The following MBOAT2 variants were observed in gnomAD, a reference collection of about 807,000 sequenced individuals.
The protein encoded by MBOAT2 is membrane-bound glycerophospholipid O-acyltransferase 2.
MBOAT2 carries 28 observed loss-of-function variants against 63.4 expected under a neutral mutation model. The observed-to-expected ratio is 0.44, with a 90% CI of 0.33 to 0.61. The LOEUF (loss-of-function observed/expected upper bound fraction) is 0.61. Among genes scored for constraint, MBOAT2 ranks in the 20% least tolerant of loss-of-function variants. The pLI, the probability that MBOAT2 is intolerant of heterozygous loss-of-function variation, is 0.03. For missense variants in MBOAT2, 470 were observed against 605.8 expected (o/e 0.78, Z 2.35); for synonymous variants, 211 against 215.6 (o/e 0.98, Z 0.19).
At chr2:8,889,924 T>C (rs1663862947) in intron 4 of MBOAT2, among the ~76,000 whole-genome samples, 1 of 152,086 alleles carries the variant, frequency 6.6e-6, no homozygotes, top group Non-Finnish European at 1.5e-5. Flanking sequence ...CAGAAACTCT[T>C]ATGAAAGTAA....
At chr2:8,984,188 C>T (rs771523397) in intron 1 of MBOAT2, among the ~76,000 whole-genome samples, 1 of 152,080 alleles carries the variant, frequency 6.6e-6, no homozygotes, top group African/African-American at 2.4e-5. Flanking sequence ...TCCACTTACA[C>T]GAAGTATCTA....
rs1660904120 is a variant in MBOAT2, at chr2:8,853,662, T to C, written c.*5017A>G. 6.6e-6 allele frequency: 1 copy of C among 152,246 alleles called. No homozygotes were observed. Among genetic ancestry groups the C allele is most frequent in the Admixed American group, 6.5e-5 (1 of 15,284 alleles). 9.4% of individuals were successfully genotyped at this position (152,246 alleles called of 1,614,324 possible). ...TTTTAGTGTGTGATTTGATAAAACA[T>C]GGCTGGAGATGGCTATGAATCGCTG... On this transcript the variant is annotated 3_prime_UTR_variant, in exon 13 of 13. Transcript: ENST00000305997.
rs1456596767 is a variant in MBOAT2 at position 8,858,001 on chromosome 2, C to CT, written c.*677dup. ...TTAAGAGATTCCTTCTGGAAGCGCTCTTTGACTGCACAAGGTAATTAAACT... is the reference window on the plus strand; with the variant it reads ...TTAAGAGATTCCTTCTGGAAGCGCTCTTTTGACTGCACAAGGTAATTAAACT... On this transcript the variant is annotated 3_prime_UTR_variant, in exon 13 of 13. Transcript: ENST00000305997. The CT allele has an allele frequency of 1.3e-5, 2 of 152,672 alleles. No homozygotes were observed. The highest frequency in any genetic ancestry group is 2.4e-5 in the African/African-American group (1 of 41,460). 9.5% of individuals were successfully genotyped at this position (152,672 alleles called of 1,614,324 possible). A position where few individuals can be genotyped will look rare whatever the true frequency, so the allele number is the denominator to read the frequency against.
chr2:8,934,681 C>T (rs976729281), intron 3 of MBOAT2, among the ~76,000 whole-genome samples: 2 of 152,208 alleles, frequency 1.3e-5, no homozygotes, highest in African/African-American at 4.8e-5. Context: ...CCCTGAAAGG[C>T]TGGTAAATAT....
At chr2:8,899,326 C>T (rs1477561878) in intron 4 of MBOAT2, among the ~76,000 whole-genome samples, 4 of 152,198 alleles carry the variant, frequency 2.6e-5, no homozygotes, top group African/African-American at 9.7e-5. Context: ...CCAAGTCTCC[C>T]AATTACAACT....
In MBOAT2 at chr2:8,941,654, G is replaced by GA. The variant is rs562089473; in HGVS notation, c.299+1532dup. Among the ~76,000 whole-genome samples the GA allele has an allele frequency of 5.9e-3, 758 of 128,454 alleles. 6 individuals carry two copies. Among genetic ancestry groups the GA allele is most frequent in the African/African-American group, 0.017 (608 of 34,992 alleles). 84.3% of individuals were successfully genotyped at this position (128,454 alleles called of 152,430 possible). A position where few individuals can be genotyped will look rare whatever the true frequency, so the allele number is the denominator to read the frequency against. Reference sequence around the variant, plus strand: ...AACAGAGTGAGACTCCGTCTCAAAGGAAAAAAAAAAAAAAGAAATGTGGCT... The same window carrying GA: ...AACAGAGTGAGACTCCGTCTCAAAGGAAAAAAAAAAAAAAAGAAATGTGGCT... On this transcript the variant is annotated intron_variant, in intron 3 of 12. Transcript: ENST00000305997.
intron 1 of MBOAT2, among the ~76,000 whole-genome samples, chr2:8,963,713 G>C (rs891183197): frequency 6.6e-6 from 1 of 152,176 alleles, no homozygotes; most frequent in Non-Finnish European, 1.5e-5. Flanking sequence ...TGAAAGTTAC[G>C]AGTTGTAGAA....
At chr2:8,982,303 A>G (rs1671252412) in intron 1 of MBOAT2, among the ~76,000 whole-genome samples, 1 of 152,214 alleles carries the variant, frequency 6.6e-6, no homozygotes, top group African/African-American at 2.4e-5. Flanking sequence ...ACTACACTTC[A>G]CAAAAAAATA....
intron 8 of MBOAT2, among the ~76,000 whole-genome samples, chr2:8,871,124 A>G (rs373388869): frequency 3.9e-5 from 6 of 152,106 alleles, no homozygotes; most frequent in African/African-American, 1.4e-4. Context: ...ACTCCTGAGT[A>G]GCTGGGACCA....
rs375973089 is a variant in MBOAT2, at chr2:8,924,923, A to G, written c.300-16207T>C. The stretch of plus-strand genomic sequence containing the variant: ...TACATGAAGATTTAAGACCTTCAGC[A>G]TATCACCTGATTAACAGTCCCCAAT... On this transcript the variant is annotated intron_variant, in intron 3 of 12. Coordinates refer to ENST00000305997, the MANE Select transcript of MBOAT2 (RefSeq NM_138799.4). Among the ~76,000 whole-genome samples, 36 of 152,304 alleles carry G rather than the reference A, an allele frequency of 2.4e-4. No individual in the cohort carries two copies. The Middle Eastern group carries it at 0.01, about 43-fold the overall frequency.
chr2:8,928,888 C>T (rs978899272), intron 3 of MBOAT2, among the ~76,000 whole-genome samples: 4 of 151,976 alleles, frequency 2.6e-5, no homozygotes, highest in African/African-American at 4.8e-5. Flanking sequence ...TTGACTATAC[C>T]ACCTCCCTCC....
At chr2:8,988,243 T>C (rs542995819) in intron 1 of MBOAT2, among the ~76,000 whole-genome samples, 4 of 152,314 alleles carry the variant, frequency 2.6e-5, no homozygotes, top group South Asian at 4.1e-4. Context: ...CATCCTTAAA[T>C]TGGTGGAGGT....
At chr2:8,873,423 T>C in intron 7 of MBOAT2, 123 bp from the exon 8 acceptor site, 6 of 991,336 alleles carry the variant, frequency 6.1e-6, no homozygotes, top group Non-Finnish European at 8.6e-6. Context: ...CTGGTCAAAA[T>C]TCAAGAGCTA....
chr2:8,906,470 G>C (rs1015514237), intron 4 of MBOAT2, among the ~76,000 whole-genome samples: 18 of 152,328 alleles, frequency 1.2e-4, no homozygotes, highest in African/African-American at 3.6e-4. Context: ...GCCTGAAGGA[G>C]GTGAAACCAC....
intron 1 of MBOAT2, among the ~76,000 whole-genome samples, chr2:8,990,182 C>A (rs1011726131): frequency 4.6e-5 from 7 of 152,192 alleles, no homozygotes; most frequent in African/African-American, 1.7e-4. Flanking sequence ...TAGGCTGTCC[C>A]TTCTTTACAC....
At chr2:8,910,563 T>C (rs998966235) in intron 3 of MBOAT2, among the ~76,000 whole-genome samples, 1 of 152,216 alleles carries the variant, frequency 6.6e-6, no homozygotes, top group East Asian at 1.9e-4. Context: ...AACACCTTTA[T>C]GGAACATGTC....
chr2:8,894,018 G>A (rs1277114914), intron 4 of MBOAT2, among the ~76,000 whole-genome samples: 1 of 151,926 alleles, frequency 6.6e-6, no homozygotes, highest in Middle Eastern at 3.2e-3. Context: ...TTGTTACATA[G>A]GTATACATGT....
intron 1 of MBOAT2, among the ~76,000 whole-genome samples, chr2:9,001,128 T>A (rs1243663908): frequency 6.6e-6 from 1 of 152,106 alleles, no homozygotes; most frequent in Non-Finnish European, 1.5e-5. Flanking sequence ...AGCTGTCATG[T>A]CCTACAATAA....
At chr2:8,868,724 T>C (rs1662087266) in intron 8 of MBOAT2, among the ~76,000 whole-genome samples, 175 bp from the exon 9 acceptor site, 1 of 152,068 alleles carries the variant, frequency 6.6e-6, no homozygotes, top group Non-Finnish European at 1.5e-5. Context: ...TCTAGGACAA[T>C]TTGGTTAGTC....
Sources: gnomAD v4.1 joint callset for allele counts (sites outside exome capture counted in the v4.1 genomes callset) on GRCh38, gnomAD v4.1.1 for gene constraint, MANE v1.5 for transcripts, NCBI Gene and HGNC (gene_info 2026-07-23, HGNC 2026-07-21) for gene names.